ATE1: variants seen among roughly 807,000 people sequenced by gnomAD.
ATE1 encodes the protein arginyl-tRNA--protein transferase 1.
A neutral mutation model predicts 70.5 loss-of-function variants in ATE1; 36 were observed. The observed-to-expected ratio is 0.51, with a 90% CI of 0.39 to 0.67. The LOEUF is 0.67. Among genes scored for constraint, ATE1 ranks in the 30% least tolerant of loss-of-function variants. The pLI is 0.00. For synonymous variants in ATE1, 232 were observed against 219.3 expected (o/e 1.06, Z -0.51); for missense variants, 593 against 629.5 (o/e 0.94, Z 0.62).
chr10:121,818,441 A>G (rs1564864502), intron 10 of ATE1, among the ~76,000 whole-genome samples: 1 of 152,106 alleles, frequency 6.6e-6, no homozygotes, highest in African/African-American at 2.4e-5. Context: ...TTTTATAGCA[A>G]TTTTTAAAAC....
At chr10:121,927,314 C>T (rs1952133352) in intron 1 of ATE1, 14 of 985,124 alleles carry the variant, frequency 1.4e-5, no homozygotes, top group Non-Finnish European at 1.7e-5. Flanking sequence ...ACCGCGGTCA[C>T]CAGTTTCTTG....
chr10:121,893,279 A>C (rs1408289636), intron 7 of ATE1, among the ~76,000 whole-genome samples: 1 of 137,226 alleles, frequency 7.3e-6, no homozygotes, highest in African/African-American at 2.5e-5. Context: ...TTAGTCTCAA[A>C]AAAAAAAAAA....
chr10:121,902,030 A>C (rs1434274013), intron 6 of ATE1, among the ~76,000 whole-genome samples: 1 of 152,194 alleles, frequency 6.6e-6, no homozygotes, highest in Non-Finnish European at 1.5e-5. Flanking sequence ...GCCTTGTGTA[A>C]TCTATTGTCT....
At chr10:121,927,769 G>A in intron 1 of ATE1, 75 bp downstream of exon 1, 1 of 1,471,496 alleles carries the variant, frequency 6.8e-7, no homozygotes. Flanking sequence ...GCCCCCTCGC[G>A]TCCTCGCTGG....
Position 121,870,031 on chromosome 10 carries a change from C to T in ATE1, c.950G>A (p.Arg317Lys). 1 of 1,610,480 alleles carries T rather than the reference C, an allele frequency of 6.2e-7. No homozygotes were observed. The highest frequency in any genetic ancestry group is 1.1e-5 in the South Asian group (1 of 90,596). Reference protein sequence around the residue: ...PDTPTESQFTRFLCSSPLEAE... With the variant: ...PDTPTESQFTKFLCSSPLEAE... ...CTCCAAGGGTGAACTGCAAAGGAAT[C>T]TTGTGAACTGCAGTCAAATTTGAAC... Residue 317 changes from arginine (R) to lysine (K), a missense_variant, in exon 8 of 12, where the codon AGA (arginine) becomes AAA (lysine). Arg to Lys is a conservative substitution (Grantham distance 26). This residue lies in a region of ATE1 where 467 missense variants were observed against 469.6 expected (regional missense o/e 0.99). Coordinates refer to ENST00000224652, the MANE Select transcript of ATE1 (RefSeq NM_001001976.3).
At chr10:121,811,517 G>A (rs1947319003) in intron 10 of ATE1, among the ~76,000 whole-genome samples, 1 of 152,106 alleles carries the variant, frequency 6.6e-6, no homozygotes, top group Non-Finnish European at 1.5e-5. Context: ...TAAGCTGTCT[G>A]GTTTTATTAT....
chr10:121,862,532 A>ATTTT (rs35130703), intron 8 of ATE1, among the ~76,000 whole-genome samples: 1,473 of 104,868 alleles, frequency 0.014, 1 homozygote, highest in Non-Finnish European at 0.018. Context: ...AATTTTTTTA[A>ATTTT]TTTTTTTTTT....
intron 10 of ATE1, among the ~76,000 whole-genome samples, chr10:121,802,433 C>A (rs1006282592): frequency 1.3e-5 from 2 of 151,920 alleles, no homozygotes; most frequent in African/African-American, 2.4e-5. Flanking sequence ...CTCAGCCTCC[C>A]GAGTTGCTGG....
intron 7 of ATE1, among the ~76,000 whole-genome samples, chr10:121,871,855 C>G (rs958016789): frequency 6.6e-6 from 1 of 152,116 alleles, no homozygotes; most frequent in Non-Finnish European, 1.5e-5. Flanking sequence ...GCAAAATATA[C>G]CAAAATTTTA....
chr10:121,824,040 T>C (rs1947908435), intron 10 of ATE1, among the ~76,000 whole-genome samples: 2 of 152,194 alleles, frequency 1.3e-5, no homozygotes, highest in Non-Finnish European at 2.9e-5. Context: ...GACTCTGGTG[T>C]GGCAAAATTC....
intron 10 of ATE1, among the ~76,000 whole-genome samples, chr10:121,810,750 T>C (rs1947288262): frequency 6.6e-6 from 1 of 152,216 alleles, no homozygotes; most frequent in Admixed American, 6.5e-5. Flanking sequence ...TCGCCCAGGC[T>C]GGAGTGCAGT....
intron 11 of ATE1, among the ~76,000 whole-genome samples, chr10:121,780,326 CT>C (rs1222584327): frequency 5.3e-5 from 8 of 152,196 alleles, no homozygotes; most frequent in African/African-American, 1.9e-4. Flanking sequence ...AACTCTTTCC[CT>C]CCCCACCACC....
At chr10:121,909,679 T>C (rs1215948186) in intron 5 of ATE1, among the ~76,000 whole-genome samples, 1 of 152,132 alleles carries the variant, frequency 6.6e-6, no homozygotes, top group Non-Finnish European at 1.5e-5. Flanking sequence ...GTAATTTTAT[T>C]AAAAAATAAT....
At chr10:121,891,736 G>A (rs1240648905) in intron 7 of ATE1, among the ~76,000 whole-genome samples, 2 of 152,062 alleles carry the variant, frequency 1.3e-5, no homozygotes, top group African/African-American at 2.4e-5. Flanking sequence ...ATTTTACAGA[G>A]TCAGACTGGA....
At position 121,887,043 on chromosome 10, in the gene ATE1, AATT is replaced by A. The variant is rs531545018; in HGVS notation, c.942+12820_942+12822del. ...CTTTAACAAGCAAAGAATCACTTGT[AATT>A]ATCCTTTTAATGCCTCAATGAAAAT... On this transcript the variant is annotated intron_variant, in intron 7 of 11. Transcript: ENST00000224652. Among the ~76,000 whole-genome samples the A allele has an allele frequency of 2.6e-3, 402 of 152,350 alleles. 3 individuals carry two copies. The highest frequency in any genetic ancestry group is 9.3e-3 in the African/African-American group (388 of 41,592).
chr10:121,763,368 C>A (rs916788271), intron 11 of ATE1, among the ~76,000 whole-genome samples: 2 of 152,080 alleles, frequency 1.3e-5, no homozygotes, highest in African/African-American at 4.8e-5. Flanking sequence ...ACATGTCCTT[C>A]AATAGGTAAA....
intron 8 of ATE1, among the ~76,000 whole-genome samples, chr10:121,865,184 T>A (rs549263341): frequency 2.0e-5 from 3 of 152,298 alleles, no homozygotes; most frequent in African/African-American, 7.2e-5. Context: ...TGGGAATATC[T>A]ACCTCATTGA....
rs981387022 is a variant in ATE1 at position 121,754,716 on chromosome 10, C to T, written c.1379-10858G>A. On this transcript the variant is annotated intron_variant, in intron 11 of 11. Coordinates refer to ENST00000224652, the MANE Select transcript of ATE1 (RefSeq NM_001001976.3). Reference sequence around the variant, plus strand: ...GTCTGACACAATAGGATATTTACACCATCTCAGGACAGCTTTCTACAAAAT... The same window carrying T: ...GTCTGACACAATAGGATATTTACACTATCTCAGGACAGCTTTCTACAAAAT... 1.8e-4 allele frequency among the ~76,000 whole-genome samples: 27 copies of T among 152,208 alleles called. No homozygotes were observed. In the South Asian group the frequency reaches 2.5e-3, roughly 14 times the overall value.
upstream of ATE1, chr10:121,928,430 A>T: frequency 6.6e-7 from 1 of 1,520,176 alleles, no homozygotes; most frequent in Non-Finnish European, 8.8e-7. Flanking sequence ...CACCGACGCC[A>T]TGGCCGCCGC....
Sources: allele counts gnomAD v4.1 joint callset (sites outside exome capture counted in the v4.1 genomes callset), GRCh38; gene constraint gnomAD v4.1.1; regional missense constraint gnomAD v4.1.1; transcripts MANE v1.5; gene names NCBI Gene and HGNC (gene_info 2026-07-23, HGNC 2026-07-21).